The following KIAA1217 variants were observed in gnomAD, a reference collection of about 807,000 sequenced individuals.
The protein encoded by KIAA1217 is KIAA1217.
KIAA1217 carries 88 observed loss-of-function variants against 163.9 expected under a neutral mutation model. That is an observed-to-expected ratio of 0.54 (90% CI 0.45 to 0.64). The LOEUF is 0.64. KIAA1217 is among the 30% of genes least tolerant of loss of function. KIAA1217 has a pLI of 0.00. For missense variants in KIAA1217, 2,372 were observed against 2,475.0 expected (o/e 0.96, Z 0.88); for synonymous variants, 903 against 923.1 (o/e 0.98, Z 0.39).
intron 2 of KIAA1217, among the ~76,000 whole-genome samples, chr10:24,059,707 A>G (rs1476095283): frequency 1.3e-5 from 2 of 151,862 alleles, no homozygotes; most frequent in Non-Finnish European, 2.9e-5. Context: ...CCTCCCAAGT[A>G]ACTGGGACTA....
rs1020685978 is a variant in KIAA1217, at chr10:24,251,885, C to T, written c.354+31976C>T. ...AAAAAAAAAAAAAAAAAAAAAGGGG[C>T]GGGGAGCTAAGAATTCCTGCCCAGC... On this transcript the variant is annotated intron_variant, in intron 2 of 20. Coordinates refer to ENST00000376454, the MANE Select transcript of KIAA1217 (RefSeq NM_019590.5). Among the ~76,000 whole-genome samples the T allele has an allele frequency of 2.9e-4, 35 of 119,698 alleles. 2 individuals carry two copies. Among genetic ancestry groups the T allele is most frequent in the East Asian group, 1.7e-3 (7 of 4,128 alleles). The allele number at this position is 119,698 out of a possible 152,430, so 78.5% of individuals were successfully genotyped here.
chr10:23,912,218 T>G (rs1842462785), intron 1 of KIAA1217, among the ~76,000 whole-genome samples: 1 of 152,314 alleles, frequency 6.6e-6, no homozygotes, highest in Admixed American at 6.5e-5. Flanking sequence ...CTTAGCCTTC[T>G]AGAGCTGTTG....
At chr10:24,398,881 G>T (rs780848232) in intron 3 of KIAA1217, among the ~76,000 whole-genome samples, 8 of 152,148 alleles carry the variant, frequency 5.3e-5, no homozygotes, top group African/African-American at 1.2e-4. Flanking sequence ...TGAGCTGCCA[G>T]TTACCAATTT....
At chr10:23,977,060 A>C (rs1433018063) in intron 1 of KIAA1217, among the ~76,000 whole-genome samples, 1 of 152,182 alleles carries the variant, frequency 6.6e-6, no homozygotes, top group Middle Eastern at 3.4e-3. Context: ...GATCTTTTTT[A>C]TGTATGTTTT....
chr10:24,454,314 T>C (rs2061607409), intron 5 of KIAA1217, among the ~76,000 whole-genome samples: 1 of 152,224 alleles, frequency 6.6e-6, no homozygotes, highest in Admixed American at 6.5e-5. Context: ...ACTCACTCCA[T>C]ATTCCTGAAA....
chr10:24,405,853 C>G (rs962314544), intron 3 of KIAA1217, among the ~76,000 whole-genome samples: 1 of 152,154 alleles, frequency 6.6e-6, no homozygotes, highest in Non-Finnish European at 1.5e-5. Flanking sequence ...CTTTTAACCT[C>G]CCTGTCCCCT....
Position 24,127,516 on chromosome 10 carries a change from A to G in KIAA1217, c.-170-92110A>G, listed in dbSNP as rs568561685. ...TATGATTTTTCTACTGCCTTGAGAC[A>G]TGTTCCTGACAAATCCTTTTACAGC... On this transcript the variant is annotated intron_variant, in intron 2 of 18. Transcript: ENST00000376462. Among the ~76,000 whole-genome samples the G allele has an allele frequency of 9.2e-5, 14 of 152,292 alleles. No individual in the cohort carries two copies. In the South Asian group the frequency reaches 2.5e-3, roughly 27 times the overall value.
At chr10:24,173,403 A>G (rs532112265) in intron 2 of KIAA1217, among the ~76,000 whole-genome samples, 1 of 152,312 alleles carries the variant, frequency 6.6e-6, no homozygotes, top group South Asian at 2.1e-4. Context: ...TAGAAATAGA[A>G]ATAATAGAAA....
chr10:24,333,089 T>C (rs1236168890), intron 2 of KIAA1217, among the ~76,000 whole-genome samples: 1 of 151,788 alleles, frequency 6.6e-6, no homozygotes, highest in Admixed American at 6.6e-5. Flanking sequence ...TGGTGTGATC[T>C]CGGCTCACTG....
intron 2 of KIAA1217, among the ~76,000 whole-genome samples, chr10:24,332,240 G>A (rs7897007): frequency 0.85 from 128,707 of 152,200 alleles, 54,679 homozygotes; most frequent in Middle Eastern, 0.94. Flanking sequence ...AGCAGACTTT[G>A]GATTAAAATC....
chr10:24,453,653 G>A (rs1262245667), intron 5 of KIAA1217, among the ~76,000 whole-genome samples: 1 of 152,182 alleles, frequency 6.6e-6, no homozygotes, highest in Non-Finnish European at 1.5e-5. Flanking sequence ...CAGTTATGCT[G>A]TTTGAAATGT....
At chr10:24,468,336 G>C (rs1231368235) in intron 5 of KIAA1217, among the ~76,000 whole-genome samples, 1 of 152,126 alleles carries the variant, frequency 6.6e-6, no homozygotes, top group East Asian at 1.9e-4. Flanking sequence ...TCTATATTGG[G>C]ATCATTGTGT....
intron 1 of KIAA1217, among the ~76,000 whole-genome samples, chr10:23,913,646 C>A (rs1239369677): frequency 6.6e-6 from 1 of 152,120 alleles, no homozygotes; most frequent in Non-Finnish European, 1.5e-5. Flanking sequence ...ACCAGGCAGG[C>A]TGCTGGAGAA....
chr10:24,015,112 T>C (rs923777676), intron 2 of KIAA1217, among the ~76,000 whole-genome samples: 1 of 152,096 alleles, frequency 6.6e-6, no homozygotes, highest in African/African-American at 2.4e-5. Context: ...TGGAAACTGA[T>C]AGAACCAACA....
In KIAA1217 at chr10:24,532,010, C is replaced by T. The variant is rs1253426499; in HGVS notation, c.3246+17C>T. 1.4e-6 allele frequency: 2 copies of T among 1,479,294 alleles called. No homozygotes were observed. Among genetic ancestry groups the T allele is most frequent in the African/African-American group, 1.4e-5 (1 of 71,098 alleles). 91.6% of individuals were successfully genotyped at this position (1,479,294 alleles called of 1,614,324 possible). A position where few individuals can be genotyped will look rare whatever the true frequency, so the allele number is the denominator to read the frequency against. ...ACCGCTAAGGTCTGATAGGCTAAGC[C>T]CTGGTAAACTGGCCTCTGGGTTCAG... On this transcript the variant is annotated intron_variant, in intron 15 of 20. Coordinates refer to ENST00000376454, the MANE Select transcript of KIAA1217 (RefSeq NM_019590.5).
chr10:24,537,263 C>A lies in KIAA1217; in HGVS notation c.3534+370C>A, dbSNP rs1354255790. On this transcript the variant is annotated intron_variant, in intron 17 of 20. Transcript: ENST00000376454. ...CCCTTTGGGAAAAAAAGAAAAACAA[C>A]TATATATGTTAAGAAAAATAGGTAA... Among the ~76,000 whole-genome samples, 6 of 152,160 alleles carry A rather than the reference C, an allele frequency of 3.9e-5. No individual in the cohort carries two copies. In the East Asian group the frequency reaches 1.2e-3, roughly 29 times the overall value.
At chr10:23,931,825 A>G (rs1006711388) in intron 1 of KIAA1217, among the ~76,000 whole-genome samples, 3 of 152,170 alleles carry the variant, frequency 2.0e-5, no homozygotes, top group African/African-American at 7.2e-5. Flanking sequence ...CAAGCTGGGA[A>G]ATTAAGGAGC....
intron 2 of KIAA1217, among the ~76,000 whole-genome samples, chr10:24,031,281 T>G (rs969568350): frequency 6.6e-6 from 1 of 152,168 alleles, no homozygotes; most frequent in Non-Finnish European, 1.5e-5. Context: ...ATTTCTCTAA[T>G]GATTAGTGAC....
chr10:24,055,309 A>G (rs978847917), intron 2 of KIAA1217, among the ~76,000 whole-genome samples: 1 of 152,230 alleles, frequency 6.6e-6, no homozygotes, highest in African/African-American at 2.4e-5. Context: ...ATTTATATTT[A>G]AAATGATGGA....
Sources: allele counts gnomAD v4.1 joint callset (sites outside exome capture counted in the v4.1 genomes callset), GRCh38; gene constraint gnomAD v4.1.1; transcripts MANE v1.5; gene names NCBI Gene and HGNC (gene_info 2026-07-23, HGNC 2026-07-21).